Variants in PARD3B observed in about 807,000 individuals in gnomAD.
PARD3B encodes the protein partitioning defective 3 homolog B.
PARD3B carries 103 observed loss-of-function variants against 130.2 expected under a neutral mutation model. The ratio of observed to expected loss-of-function variants is 0.79; its 90% CI spans 0.67 to 0.93. PARD3B has a LOEUF of 0.93. Ranked by LOEUF, PARD3B falls within the 40% of genes least tolerant of loss-of-function variation. The pLI, the probability that PARD3B is intolerant of heterozygous loss-of-function variation, is 0.00. For missense variants in PARD3B, 1,609 were observed against 1,499.2 expected (o/e 1.07, Z -1.21); for synonymous variants, 583 against 553.2 (o/e 1.05, Z -0.76).
At position 204,931,146 on chromosome 2, in the gene PARD3B, G is replaced by A. The variant is rs115954021; in HGVS notation, c.223-34006G>A. Among the ~76,000 whole-genome samples, 1,381 of 152,158 alleles carry A rather than the reference G, an allele frequency of 9.1e-3. 22 individuals are homozygous for A. Among genetic ancestry groups the A allele is most frequent in the African/African-American group, 0.031 (1,287 of 41,544 alleles). On this transcript the variant is annotated intron_variant, in intron 2 of 22. Coordinates refer to ENST00000406610, the MANE Select transcript of PARD3B (RefSeq NM_001302769.2). ...TGAAAGATCTTCAAGGACGTTTGTG[G>A]CATCAAATTCAGTATTTTGTAGATA... is the stretch of plus-strand genomic sequence containing the variant.
intron 21 of PARD3B, 67 bp from the exon 22 acceptor site, chr2:205,553,257 C>T (rs1211864163): frequency 4.2e-6 from 6 of 1,439,652 alleles, no homozygotes; most frequent in East Asian, 2.3e-5. Flanking sequence ...ATTATAATTT[C>T]GAGATGCATT....
chr2:204,790,232 C>A (rs920667269), intron 2 of PARD3B, among the ~76,000 whole-genome samples: 1 of 152,124 alleles, frequency 6.6e-6, no homozygotes, highest in African/African-American at 2.4e-5. Context: ...ATTTTTCTAC[C>A]AGCTCTTTAT....
chr2:204,882,406 T>C (rs755339508), intron 2 of PARD3B, among the ~76,000 whole-genome samples: 13 of 152,212 alleles, frequency 8.5e-5, no homozygotes, highest in Non-Finnish European at 1.8e-4. Flanking sequence ...AAATTTAGCC[T>C]AATATTGGGT....
intron 2 of PARD3B, among the ~76,000 whole-genome samples, chr2:204,813,294 T>C (rs1362608426): frequency 6.6e-6 from 1 of 152,298 alleles, no homozygotes; most frequent in East Asian, 1.9e-4. Context: ...GTTGAGCCTC[T>C]TTTTATGTAC....
At chr2:204,867,286 C>A (rs2045463460) in intron 2 of PARD3B, among the ~76,000 whole-genome samples, 1 of 152,156 alleles carries the variant, frequency 6.6e-6, no homozygotes, top group Non-Finnish European at 1.5e-5. Context: ...CAGAAAACAG[C>A]TTTTCAGCTT....
At chr2:204,829,899 T>C (rs1175240162) in intron 2 of PARD3B, among the ~76,000 whole-genome samples, 1 of 146,416 alleles carries the variant, frequency 6.8e-6, no homozygotes, top group Non-Finnish European at 1.5e-5. Context: ...CTTGGGAGGC[T>C]GAGGCAGGAG....
rs2043984312 is a variant in PARD3B, at chr2:205,351,228, A to G, written c.2630+49527A>G. Among the ~76,000 whole-genome samples, 1 of 152,188 alleles carries G rather than the reference A, an allele frequency of 6.6e-6. No individual in the cohort carries two copies. Among genetic ancestry groups the G allele is most frequent in the Admixed American group, 6.6e-5 (1 of 15,266 alleles). On this transcript the variant is annotated intron_variant, in intron 18 of 22. Transcript: ENST00000406610. The surrounding 1 kb of genome is among the most constrained non-coding windows in gnomAD (Gnocchi z 4.2). ...TGTCACCTTGCTGTCTCCCCACCAC[A>G]TTTATGATGTGAAACTAAATAAATA...
chr2:205,513,196 G>A (rs1476629642), intron 21 of PARD3B, among the ~76,000 whole-genome samples: 1 of 151,986 alleles, frequency 6.6e-6, no homozygotes, highest in African/African-American at 2.4e-5. Context: ...AATCTTTAAA[G>A]TAGTACTTGA....
chr2:204,738,986 G>GAA (rs1388318995), intron 2 of PARD3B, among the ~76,000 whole-genome samples: 1 of 152,270 alleles, frequency 6.6e-6, no homozygotes, highest in Admixed American at 6.5e-5. Context: ...CTCAGTGGGA[G>GAA]GATTATGCAA....
chr2:204,945,394 C>G, intron 2 of PARD3B, among the ~76,000 whole-genome samples: 2 of 152,218 alleles, frequency 1.3e-5, no homozygotes, highest in South Asian at 2.1e-4. Flanking sequence ...CCAGCTAGCT[C>G]GGGTAGTTTT....
In PARD3B at chr2:205,104,980, C is replaced by A. The variant is rs1193851475; in HGVS notation, c.593+466C>A. On this transcript the variant is annotated intron_variant, in intron 5 of 22. Coordinates refer to ENST00000406610, the MANE Select transcript of PARD3B (RefSeq NM_001302769.2). ...AATAAAATGAACCCTGTCTATCAACCAGGGTTTTTCATGTTCTTAATGAAG... is the reference window on the plus strand; with the variant it reads ...AATAAAATGAACCCTGTCTATCAACAAGGGTTTTTCATGTTCTTAATGAAG... Among the ~76,000 whole-genome samples, 2 of 152,100 alleles carry A rather than the reference C, an allele frequency of 1.3e-5. 1 individual carries two copies. Among genetic ancestry groups the A allele is most frequent in the Non-Finnish European group, 2.9e-5 (2 of 68,020 alleles).
chr2:204,842,096 A>G (rs1169860163), intron 2 of PARD3B, among the ~76,000 whole-genome samples: 1 of 151,918 alleles, frequency 6.6e-6, no homozygotes, highest in Non-Finnish European at 1.5e-5. Context: ...AATTATTTGG[A>G]TTTTCTTATG....
At chr2:205,521,413 T>G (rs1170169786) in intron 21 of PARD3B, among the ~76,000 whole-genome samples, 2 of 152,142 alleles carry the variant, frequency 1.3e-5, no homozygotes, top group African/African-American at 4.8e-5. Context: ...ATTCAGGGTT[T>G]TTTTTCTAAC....
intron 1 of PARD3B, among the ~76,000 whole-genome samples, chr2:204,634,892 T>C (rs1225626018): frequency 6.6e-6 from 1 of 152,170 alleles, no homozygotes; most frequent in East Asian, 1.9e-4. Flanking sequence ...AGAATAGTTT[T>C]ATAAAGAGAG....
chr2:204,711,402 T>C (rs1490498569), intron 2 of PARD3B, among the ~76,000 whole-genome samples: 10 of 152,160 alleles, frequency 6.6e-5, no homozygotes. Context: ...GAACAGATAA[T>C]AAAGTTTTTC....
intron 18 of PARD3B, among the ~76,000 whole-genome samples, chr2:205,308,540 G>T (rs1255422011): frequency 7.0e-6 from 1 of 142,400 alleles, no homozygotes; most frequent in East Asian, 2.3e-4. Flanking sequence ...CTGGGAGGTG[G>T]AGCTTGCAGT....
intron 2 of PARD3B, among the ~76,000 whole-genome samples, chr2:204,878,819 C>G (rs989435714): frequency 6.6e-6 from 1 of 152,110 alleles, no homozygotes; most frequent in Non-Finnish European, 1.5e-5. Flanking sequence ...TTAGCTCTGA[C>G]AGAATGTATG....
chr2:205,567,450 G>A (rs909322665), intron 22 of PARD3B, among the ~76,000 whole-genome samples: 2 of 149,564 alleles, frequency 1.3e-5, no homozygotes, highest in African/African-American at 4.9e-5. Flanking sequence ...AAGTAGCTGG[G>A]ACTACAGGTG....
At chr2:204,818,601 G>A (rs894903113) in intron 2 of PARD3B, among the ~76,000 whole-genome samples, 1 of 152,088 alleles carries the variant, frequency 6.6e-6, no homozygotes, top group Non-Finnish European at 1.5e-5. Flanking sequence ...TATAAATGCA[G>A]TCATAAAAAG....
Sources: allele counts gnomAD v4.1 joint callset (sites outside exome capture counted in the v4.1 genomes callset), GRCh38; gene constraint gnomAD v4.1.1; non-coding constraint Gnocchi (gnomAD v3.1); transcripts MANE v1.5; gene names NCBI Gene and HGNC (gene_info 2026-07-23, HGNC 2026-07-21).